The following PKP2 variants were observed in gnomAD, a reference collection of about 807,000 sequenced individuals.
PKP2 encodes the protein plakophilin 2.
A neutral mutation model predicts 83.4 loss-of-function variants in PKP2; 73 were observed. That is an observed-to-expected ratio of 0.88 (90% CI 0.72 to 1.06). PKP2 has a LOEUF of 1.06. Ranked by LOEUF, PKP2 falls within the 50% of genes least tolerant of loss-of-function variation. PKP2 has a pLI of 0.00. For synonymous variants in PKP2, 409 were observed against 430.4 expected (o/e 0.95, Z 0.62); for missense variants, 966 against 1,065.4 (o/e 0.91, Z 1.30).
intron 9 of PKP2, among the ~76,000 whole-genome samples, chr12:32,815,723 G>C (rs112859213): frequency 2.0e-5 from 3 of 152,130 alleles, no homozygotes; most frequent in Non-Finnish European, 4.4e-5. Context: ...ATATAATAAA[G>C]AGCATTAATG....
At chr12:32,857,922 C>T (rs76774152) in intron 4 of PKP2, among the ~76,000 whole-genome samples, 6,399 of 149,762 alleles carry the variant, frequency 0.043, 322 homozygotes, top group East Asian at 0.26. Flanking sequence ...GTAATGATGC[C>T]CAGTTTTTAA....
At chr12:32,870,953 A>C (rs1401695481) in intron 3 of PKP2, among the ~76,000 whole-genome samples, 1 of 152,144 alleles carries the variant, frequency 6.6e-6, no homozygotes, top group East Asian at 1.9e-4. Context: ...ATGCGATTTC[A>C]CTTTATCACT....
intron 4 of PKP2, among the ~76,000 whole-genome samples, chr12:32,866,716 G>C (rs61927796): frequency 1.3e-5 from 2 of 152,158 alleles, no homozygotes; most frequent in African/African-American, 4.8e-5. Context: ...TAAATTGTGA[G>C]TGGGAATGTG....
At chr12:32,857,320 G>A (rs1956758686) in intron 4 of PKP2, among the ~76,000 whole-genome samples, 1 of 152,076 alleles carries the variant, frequency 6.6e-6, no homozygotes, top group African/African-American at 2.4e-5. Flanking sequence ...CAGCTACTCG[G>A]GAGGCTGAGA....
chr12:32,845,939 C>T (rs1956640116), intron 5 of PKP2, among the ~76,000 whole-genome samples: 2 of 152,110 alleles, frequency 1.3e-5, no homozygotes, highest in South Asian at 4.1e-4. Context: ...TACCTTGTTA[C>T]ACATTACGAA....
At chr12:32,850,728 C>G in intron 5 of PKP2, 38 bp downstream of exon 5, 1 of 1,518,272 alleles carries the variant, frequency 6.6e-7, no homozygotes, top group Non-Finnish European at 9.1e-7. Context: ...GGCTGGGGTG[C>G]AAATGTGTTA....
At position 32,878,274 on chromosome 12, in the gene PKP2, G is replaced by A; in HGVS notation, c.606C>T (p.Val202=). The change falls in exon 3 of 13, where the codon GTC becomes GTT. Residue 202 remains valine, a synonymous_variant. Transcript: ENST00000340811. ...PRYARSEIVG[V]SRAGTTSRQR... is the part of the protein sequence containing the mutation. ...GCCTGCTTGTGGTGCCAGCACGGCT[G>A]ACCCCCACGATCTCGGAACGAGCAT... The A allele has an allele frequency of 1.9e-6, 3 of 1,614,032 alleles. No individual in the cohort carries two copies. Among genetic ancestry groups the A allele is most frequent in the Non-Finnish European group, 2.5e-6 (3 of 1,180,028 alleles).
At position 32,804,709 on chromosome 12, in the gene PKP2, C is replaced by A. The variant is rs371440789; in HGVS notation, c.2014-2153G>T. Among the ~76,000 whole-genome samples the A allele has an allele frequency of 2.0e-5, 3 of 152,266 alleles. No individual in the cohort carries two copies. In the South Asian group the frequency reaches 6.2e-4, roughly 32 times the overall value. On this transcript the variant is annotated intron_variant, in intron 9 of 12. Transcript: ENST00000340811. ...CTTTATTCAATCTATCACTGGTGGG[C>A]ATTTGGGTTGATTCCATGTCTTTGC...
chr12:32,842,516 C>G (rs985392399), intron 5 of PKP2, among the ~76,000 whole-genome samples: 6 of 152,054 alleles, frequency 3.9e-5, no homozygotes, highest in African/African-American at 1.4e-4. Context: ...GCTGGGATTA[C>G]AGGCATGAGC....
At chr12:32,843,545 A>C (rs1205522160) in intron 5 of PKP2, among the ~76,000 whole-genome samples, 1 of 152,210 alleles carries the variant, frequency 6.6e-6, no homozygotes, top group Non-Finnish European at 1.5e-5. Context: ...TGCTGTGCAC[A>C]GGTAGCTACT....
intron 4 of PKP2, among the ~76,000 whole-genome samples, chr12:32,861,539 T>C (rs1956797666): frequency 6.6e-6 from 1 of 152,082 alleles, no homozygotes; most frequent in South Asian, 2.1e-4. Flanking sequence ...ATTGAACTTA[T>C]CTAAAAACAC....
chr12:32,842,317 A>C (rs1260549425), intron 5 of PKP2, among the ~76,000 whole-genome samples: 2 of 151,758 alleles, frequency 1.3e-5, no homozygotes, highest in Non-Finnish European at 2.9e-5. Context: ...ATCTCGGTTC[A>C]TTGCAATCTC....
chr12:32,892,220 T>C (rs147909488), intron 1 of PKP2, among the ~76,000 whole-genome samples: 24 of 152,234 alleles, frequency 1.6e-4, no homozygotes, highest in African/African-American at 5.1e-4. Context: ...TATGCAGAAT[T>C]TGAACAATGT....
At chr12:32,885,253 T>C (rs1166241871) in intron 1 of PKP2, among the ~76,000 whole-genome samples, 1 of 152,212 alleles carries the variant, frequency 6.6e-6, no homozygotes, top group Non-Finnish European at 1.5e-5. Context: ...AATCTGAGTG[T>C]TCATTGGAAT....
intron 1 of PKP2, 52 bp from the exon 2 acceptor site, chr12:32,879,084 T>C: frequency 1.1e-6 from 1 of 933,496 alleles, no homozygotes; most frequent in Non-Finnish European, 1.8e-6. Context: ...GGCTAATTAA[T>C]ATTTACAGAC....
chr12:32,791,717 A>ATT lies in PKP2; in HGVS notation c.*705_*706dup, dbSNP rs1462511450. 1 of 152,142 alleles carries ATT rather than the reference A, an allele frequency of 6.6e-6. No individual in the cohort carries two copies. Among genetic ancestry groups the ATT allele is most frequent in the Non-Finnish European group, 1.5e-5 (1 of 68,024 alleles). The allele number at this position is 152,142 out of a possible 1,614,324, so 9.4% of individuals were successfully genotyped here. A position where few individuals can be genotyped will look rare whatever the true frequency, so the allele number is the denominator to read the frequency against. The stretch of plus-strand genomic sequence containing the variant: ...TGCCTTTCTCTGTGGAAAAGATTTT[A>ATT]TTTATTTATTTATTTTTTATTTTAC... On this transcript the variant is annotated 3_prime_UTR_variant, in exon 13 of 13. Coordinates refer to ENST00000340811, the MANE Select transcript of PKP2 (RefSeq NM_001005242.3).
chr12:32,877,254 A>G (rs1376385134), intron 3 of PKP2, among the ~76,000 whole-genome samples: 1 of 152,244 alleles, frequency 6.6e-6, no homozygotes, highest in African/African-American at 2.4e-5. Flanking sequence ...TAGTCAAGCT[A>G]TAAAGTAAAT....
At chr12:32,864,070 A>G (rs769649052) in intron 4 of PKP2, among the ~76,000 whole-genome samples, 2 of 151,846 alleles carry the variant, frequency 1.3e-5, no homozygotes, top group Non-Finnish European at 2.9e-5. Context: ...TAAATGCATA[A>G]AAAGCATCTG....
chr12:32,793,838 G>A (rs896364184), intron 11 of PKP2, among the ~76,000 whole-genome samples: 4 of 151,800 alleles, frequency 2.6e-5, no homozygotes, highest in East Asian at 1.9e-4. Context: ...TTCATGATCC[G>A]CCTGCCTCGG....
Sources: gnomAD v4.1 joint callset for allele counts (sites outside exome capture counted in the v4.1 genomes callset) on GRCh38, gnomAD v4.1.1 for gene constraint, MANE v1.5 for transcripts, NCBI Gene and HGNC (gene_info 2026-07-23, HGNC 2026-07-21) for gene names.